The following TASP1 variants were observed in gnomAD, a reference collection of about 807,000 sequenced individuals.
The protein encoded by TASP1 is threonine aspartase 1.
TASP1 carries 16 observed loss-of-function variants against 56.6 expected under a neutral mutation model. The ratio of observed to expected loss-of-function variants is 0.28; its 90% CI spans 0.19 to 0.43. TASP1 has a LOEUF of 0.43. Ranked by LOEUF, TASP1 falls within the 20% of genes least tolerant of loss-of-function variation. The probability of loss-of-function intolerance (pLI) is 1.00; values close to 1 mark genes in which losing one functional copy is unlikely to be tolerated. For synonymous variants in TASP1, 179 were observed against 184.2 expected (o/e 0.97, Z 0.23); for missense variants, 393 against 511.6 (o/e 0.77, Z 2.24).
intron 11 of TASP1, among the ~76,000 whole-genome samples, chr20:13,452,463 C>T (rs1368523438): frequency 6.7e-6 from 1 of 148,380 alleles, no homozygotes; most frequent in Non-Finnish European, 1.5e-5. Flanking sequence ...TGGCCAGACA[C>T]AATTTACTTA....
chr20:13,328,415 T>C, the TASP1 span, among the ~76,000 whole-genome samples: 2 of 152,178 alleles, frequency 1.3e-5, no homozygotes, highest in African/African-American at 4.8e-5. Flanking sequence ...CTCAAATATG[T>C]AGAGGCAGAA....
chr20:13,164,079 G>A, the TASP1 span, among the ~76,000 whole-genome samples: 51 of 152,014 alleles, frequency 3.4e-4, no homozygotes, highest in African/African-American at 1.2e-3. Flanking sequence ...AACAGTCCCT[G>A]GTGTGTGATG....
At chr20:13,589,259 C>T (rs909904656) in intron 4 of TASP1, among the ~76,000 whole-genome samples, 10 of 151,822 alleles carry the variant, frequency 6.6e-5, no homozygotes, top group South Asian at 2.1e-4. Flanking sequence ...GGGTTTTCAC[C>T]GTGTTAGCCA....
At chr20:13,406,668 CTTTTTTTTT>C (rs149352395) in intron 13 of TASP1, among the ~76,000 whole-genome samples, 2 of 117,692 alleles carry the variant, frequency 1.7e-5, no homozygotes, top group Admixed American at 8.7e-5. Flanking sequence ...AGGGTTTTTT[CTTTTTTTTT>C]TTTTTTTTTG....
intron 8 of TASP1, among the ~76,000 whole-genome samples, chr20:13,543,331 G>T (rs879439242): frequency 1.3e-5 from 2 of 152,198 alleles, no homozygotes; most frequent in Non-Finnish European, 2.9e-5. Flanking sequence ...ACGCACAGTG[G>T]CTCACGCCTG....
At chr20:13,629,359 C>T (rs535453479) in intron 2 of TASP1, among the ~76,000 whole-genome samples, 1,290 of 125,944 alleles carry the variant, frequency 0.01, 23 homozygotes, top group African/African-American at 0.038. Context: ...AGTAAAACTC[C>T]ATCTCAAAAA....
chr20:13,242,847 T>C, the TASP1 span, among the ~76,000 whole-genome samples: 2,867 of 152,296 alleles, frequency 0.019, 39 homozygotes, highest in Non-Finnish European at 0.022. Context: ...GTTATACAGA[T>C]TTCACCTGAT....
the TASP1 span, among the ~76,000 whole-genome samples, chr20:13,288,330 C>T: frequency 6.6e-6 from 1 of 152,164 alleles, no homozygotes; most frequent in Non-Finnish European, 1.5e-5. Flanking sequence ...TACAGACCAC[C>T]ACAGTGCCCA....
chr20:13,152,619 A>T, the TASP1 span, among the ~76,000 whole-genome samples: 8 of 152,164 alleles, frequency 5.3e-5, no homozygotes, highest in Admixed American at 1.3e-4. Flanking sequence ...TCCTCAGTGG[A>T]TCTAAAAGAA....
At chr20:13,593,918 C>T (rs1012866406) in intron 4 of TASP1, among the ~76,000 whole-genome samples, 1 of 152,186 alleles carries the variant, frequency 6.6e-6, no homozygotes, top group Admixed American at 6.5e-5. Flanking sequence ...CTCTGAGCCC[C>T]GTGTAGCCTA....
chr20:13,435,273 A>T, intron 11 of TASP1, 119 bp from the exon 12 acceptor site: 1 of 751,570 alleles, frequency 1.3e-6, no homozygotes. Context: ...TTTTCTGATA[A>T]TCACCATTGT....
intron 8 of TASP1, among the ~76,000 whole-genome samples, chr20:13,541,016 T>G (rs1403769246): frequency 6.6e-6 from 1 of 151,712 alleles, no homozygotes; most frequent in Non-Finnish European, 1.5e-5. Flanking sequence ...GTTGTAACTA[T>G]AAGAAAAAAG....
intron 12 of TASP1, among the ~76,000 whole-genome samples, chr20:13,429,745 T>C (rs1434778353): frequency 6.6e-6 from 1 of 152,152 alleles, no homozygotes; most frequent in Non-Finnish European, 1.5e-5. Flanking sequence ...TTAGTATACA[T>C]AAGAAGATTC....
intron 11 of TASP1, among the ~76,000 whole-genome samples, chr20:13,447,412 A>G (rs896902202): frequency 7.2e-5 from 11 of 152,098 alleles, no homozygotes; most frequent in Admixed American, 7.2e-4. Flanking sequence ...TCCTTACAGT[A>G]AGGCAACCCC....
At chr20:13,375,167 G>A in the TASP1 span, among the ~76,000 whole-genome samples, 1 of 152,012 alleles carries the variant, frequency 6.6e-6, no homozygotes, top group Admixed American at 6.6e-5. Flanking sequence ...ATGTGCCATG[G>A]TGGTTTGCTG....
chr20:13,261,172 G>C, the TASP1 span, among the ~76,000 whole-genome samples: 13,764 of 152,238 alleles, frequency 0.09, 705 homozygotes, highest in East Asian at 0.17. Flanking sequence ...CCAGCACTTT[G>C]AGAGGCTGAG....
chr20:13,306,145 T>C, the TASP1 span, among the ~76,000 whole-genome samples: 77 of 152,356 alleles, frequency 5.1e-4, no homozygotes, highest in African/African-American at 1.8e-3. Flanking sequence ...ATGGATGATT[T>C]TCAAAATGTC....
the TASP1 span, among the ~76,000 whole-genome samples, chr20:13,163,765 T>C: frequency 6.6e-6 from 1 of 152,176 alleles, no homozygotes; most frequent in Admixed American, 6.5e-5. Flanking sequence ...ACCCTCACCT[T>C]ACCTTTTCAA....
the TASP1 span, among the ~76,000 whole-genome samples, chr20:13,225,118 G>T: frequency 6.6e-6 from 1 of 151,856 alleles, no homozygotes; most frequent in Non-Finnish European, 1.5e-5. Flanking sequence ...CTCCCAAAGT[G>T]CTGGGATTAC....
Sources: allele counts gnomAD v4.1 joint callset (sites outside exome capture counted in the v4.1 genomes callset), GRCh38; gene constraint gnomAD v4.1.1; transcripts MANE v1.5; gene names NCBI Gene and HGNC (gene_info 2026-07-23, HGNC 2026-07-21).